The following FIP1L1 variants were observed in gnomAD, a reference collection of about 807,000 sequenced individuals.
FIP1L1 encodes the protein factor interacting with PAPOLA and CPSF1.
Under a neutral mutation model 84.6 loss-of-function variants are expected in FIP1L1, and 21 were observed. The observed-to-expected ratio is 0.25, with a 90% CI of 0.18 to 0.36. The LOEUF (loss-of-function observed/expected upper bound fraction) is 0.36. FIP1L1 is among the 10% of genes least tolerant of loss of function. FIP1L1 has a pLI of 1.00. For missense variants in FIP1L1, 526 were observed against 751.1 expected, an observed-to-expected ratio of 0.70 and a Z score of 3.50; for synonymous variants, 263 against 242.3, an observed-to-expected ratio of 1.09 and a Z score of -0.80.
intron 13 of FIP1L1, among the ~76,000 whole-genome samples, chr4:53,430,312 G>A (rs1401250305): frequency 3.7e-5 from 5 of 135,078 alleles, no homozygotes; most frequent in South Asian, 2.5e-4. Flanking sequence ...TTATCTGGAA[G>A]TTTACTTTTT....
intron 1 of FIP1L1, chr4:53,378,780 CTTGA>C: frequency 2.7e-6 from 1 of 366,378 alleles, no homozygotes; most frequent in Non-Finnish European, 4.9e-6. Context: ...AACATATATT[CTTGA>C]TTGTCTTTAG....
intron 10 of FIP1L1, among the ~76,000 whole-genome samples, chr4:53,403,923 G>A (rs758980181): frequency 1.3e-5 from 2 of 152,092 alleles, no homozygotes; most frequent in Non-Finnish European, 2.9e-5. Context: ...TCTTTTTCTG[G>A]TGCAAGTTTG....
intron 9 of FIP1L1, among the ~76,000 whole-genome samples, chr4:53,393,309 T>G (rs1745281184): frequency 6.6e-6 from 1 of 152,228 alleles, no homozygotes. Flanking sequence ...GATTTAAGAA[T>G]TAAAATTTAT....
chr4:53,385,540 C>T (rs1578141266), intron 5 of FIP1L1, among the ~76,000 whole-genome samples: 3 of 152,052 alleles, frequency 2.0e-5, no homozygotes. Context: ...ATGGAGTTTT[C>T]TATTCCTCAC....
chr4:53,391,657 C>T, intron 9 of FIP1L1, among the ~76,000 whole-genome samples, 159 bp downstream of exon 9: 1 of 152,146 alleles, frequency 6.6e-6, no homozygotes, highest in East Asian at 1.9e-4. Flanking sequence ...GTTGTTTTAT[C>T]TCCACTTTTG....
At chr4:53,458,498 CTCAAT>C (rs1720694414) in intron 16 of FIP1L1, 150 bp from the exon 17 acceptor site, 1 of 585,506 alleles carries the variant, frequency 1.7e-6, no homozygotes. Flanking sequence ...TTATTTTCCT[CTCAAT>C]TCAACGAATA....
intron 13 of FIP1L1, among the ~76,000 whole-genome samples, chr4:53,438,292 C>A (rs192946603): frequency 2.0e-5 from 3 of 152,062 alleles, no homozygotes; most frequent in East Asian, 3.9e-4. Flanking sequence ...AGAAGAGGGA[C>A]GTTTGAGATG....
intron 9 of FIP1L1, among the ~76,000 whole-genome samples, chr4:53,391,814 A>G (rs755555432): frequency 2.6e-5 from 4 of 152,224 alleles, no homozygotes; most frequent in African/African-American, 9.6e-5. Flanking sequence ...ATTGTAGATA[A>G]TACTCTAATC....
chr4:53,426,298 G>A (rs1335172699), intron 12 of FIP1L1, among the ~76,000 whole-genome samples: 2 of 152,166 alleles, frequency 1.3e-5, no homozygotes, highest in Admixed American at 6.5e-5. Flanking sequence ...TTAGAGATGA[G>A]ACCCAAGTCT....
chr4:53,418,567 T>C (rs746612876), intron 11 of FIP1L1, among the ~76,000 whole-genome samples: 11 of 152,240 alleles, frequency 7.2e-5, no homozygotes, highest in Non-Finnish European at 1.5e-4. Context: ...TGCAGGAAAT[T>C]GAAACTGGTA....
chr4:53,406,482 T>A (rs1753551453), intron 10 of FIP1L1, among the ~76,000 whole-genome samples: 1 of 152,204 alleles, frequency 6.6e-6, no homozygotes, highest in African/African-American at 2.4e-5. Flanking sequence ...TTTTTGGTTG[T>A]TTCTCTACCC....
chr4:53,383,947 T>G (rs1739467497), intron 5 of FIP1L1, 71 bp downstream of exon 5: 1 of 1,359,278 alleles, frequency 7.4e-7, no homozygotes, highest in Non-Finnish European at 1.0e-6. Flanking sequence ...TATATCAAAC[T>G]CTCAGTGGTT....
intron 12 of FIP1L1, 110 bp downstream of exon 12, chr4:53,426,075 C>A (rs1222425218): frequency 3.5e-6 from 2 of 575,860 alleles, no homozygotes; most frequent in East Asian, 3.4e-5. Context: ...TTAGGTGATA[C>A]AAAGAGATTT....
intron 9 of FIP1L1, among the ~76,000 whole-genome samples, chr4:53,395,944 A>C (rs987972190): frequency 2.0e-5 from 3 of 151,306 alleles, no homozygotes; most frequent in Non-Finnish European, 4.4e-5. Flanking sequence ...TTGAGACAGA[A>C]TTTCACTCTT....
chr4:53,381,073 G>C (rs1302729864), intron 3 of FIP1L1, among the ~76,000 whole-genome samples: 5 of 152,056 alleles, frequency 3.3e-5, no homozygotes, highest in Non-Finnish European at 7.4e-5. Flanking sequence ...AACTTCATTT[G>C]GGGAGCCGTT....
rs1372019481 is a variant in FIP1L1 at position 53,377,851 on chromosome 4, G to A, written c.13G>A (p.Glu5Lys). 5.0e-6 allele frequency: 8 copies of A among 1,589,148 alleles called. No homozygotes were observed. The change falls in exon 1 of 18, where the codon GAG (glutamate) becomes AAG (lysine). Residue 5 changes from glutamate to lysine, a missense_variant. Glu to Lys is a moderately conservative substitution (Grantham distance 56). This residue lies in a region of FIP1L1 where 100 missense variants were observed against 107.2 expected (regional missense o/e 0.93). Transcript: ENST00000337488. Reference sequence around the variant, plus strand: ...GCTCGGGGCGGCCATGTCGGCCGGCGAGGTCGAGCGCCTAGTGTCGGAGCT... The same window carrying A: ...GCTCGGGGCGGCCATGTCGGCCGGCAAGGTCGAGCGCCTAGTGTCGGAGCT... MSAGEVERLVSELSG... is the reference protein window; with the variant it reads MSAGKVERLVSELSG...
chr4:53,459,585 AAAAT>A lies in FIP1L1; in HGVS notation c.*140_*143del. On this transcript the variant is annotated 3_prime_UTR_variant, in exon 18 of 18. Coordinates refer to ENST00000337488, the MANE Select transcript of FIP1L1 (RefSeq NM_030917.4). ...AGTATGAAAAGTTAACTTTTTTTCC[AAAAT>A]AAAAGAGTGAATTTTTCATGTTAAG... 5 of 1,257,746 alleles carry A rather than the reference AAAAT, an allele frequency of 4.0e-6. No homozygotes were observed. The highest frequency in any genetic ancestry group is 5.6e-6 in the Non-Finnish European group (5 of 888,508). The allele number at this position is 1,257,746 out of a possible 1,614,324, so 77.9% of individuals were successfully genotyped here. A position where few individuals can be genotyped will look rare whatever the true frequency, so the allele number is the denominator to read the frequency against.
chr4:53,414,663 C>A lies in FIP1L1; in HGVS notation c.864C>A (p.Ala288=). 1 of 1,613,466 alleles carries A rather than the reference C, an allele frequency of 6.2e-7. No homozygotes were observed. The highest frequency in any genetic ancestry group is 8.5e-7 in the Non-Finnish European group (1 of 1,179,566). The change falls in exon 11 of 18, where the codon GCC becomes GCA. Residue 288 remains alanine, a synonymous_variant. Coordinates refer to ENST00000337488, the MANE Select transcript of FIP1L1 (RefSeq NM_030917.4). ...AGACAAGTACTGCCTCCAGAAAAGC[C>A]AATTCAAGCGTTGGGAAGTGGCAGG... The part of the protein sequence containing the change: ...QSQTSTASRK[A]NSSVGKWQDR...
At chr4:53,458,848 A>G (rs1000835382) in intron 17 of FIP1L1, 58 bp downstream of exon 17, 7 of 1,553,054 alleles carry the variant, frequency 4.5e-6, no homozygotes, top group South Asian at 1.2e-5. Context: ...GACTTACTAC[A>G]TTGTCGCATT....
Sources: allele counts gnomAD v4.1 joint callset (sites outside exome capture counted in the v4.1 genomes callset), GRCh38; gene constraint gnomAD v4.1.1; regional missense constraint gnomAD v4.1.1; transcripts MANE v1.5; gene names NCBI Gene and HGNC (gene_info 2026-07-23, HGNC 2026-07-21).